Variants in RNF8 observed in about 807,000 individuals in gnomAD.
RNF8 encodes E3 ubiquitin-protein ligase RNF8.
A neutral mutation model predicts 59.3 loss-of-function variants in RNF8; 8 were observed. The ratio of observed to expected loss-of-function variants is 0.13; its 90% CI spans 0.08 to 0.24. The LOEUF (loss-of-function observed/expected upper bound fraction) is 0.24, where lower values mean the gene tolerates loss of function less well. Ranked by LOEUF, RNF8 falls within the 10% of genes least tolerant of loss-of-function variation. The probability of loss-of-function intolerance (pLI) is 1.00; values close to 1 mark genes in which losing one functional copy is unlikely to be tolerated. For missense variants in RNF8, 406 were observed against 572.6 expected (o/e 0.71, Z 2.97); for synonymous variants, 162 against 200.0 (o/e 0.81, Z 1.60).
chr6:37,381,106 T>A, intron 6 of RNF8, 44 bp from the exon 7 acceptor site: 1 of 1,532,568 alleles, frequency 6.5e-7, no homozygotes, highest in East Asian at 2.3e-5. Flanking sequence ...CCTGAGAAAG[T>A]AAGCATGAAA....
Position 37,360,404 on chromosome 6 carries a change from A to G in RNF8, c.112-42A>G, listed in dbSNP as rs757233258. 2.5e-6 allele frequency: 4 copies of G among 1,610,546 alleles called. No individual in the cohort carries two copies. The highest frequency in any genetic ancestry group is 2.2e-5 in the East Asian group (1 of 44,816). ...TTTGTAAAGGACCTCCCTTTTCAGC[A>G]CAATGACTGATGGTATTTCTTGCAT... is the stretch of plus-strand genomic sequence containing the variant. On this transcript the variant is annotated intron_variant, in intron 1 of 7. Transcript: ENST00000373479. This position sits in a 1 kb window ranked among gnomAD's most constrained non-coding sequence, Gnocchi z 4.2.
In RNF8 at chr6:37,392,657, G is replaced by A. The variant is rs947145147; in HGVS notation, c.*1899G>A. On this transcript the variant is annotated 3_prime_UTR_variant, in exon 8 of 8. Transcript: ENST00000373479. Reference sequence around the variant, plus strand: ...ATAGTTTCCTTTCTTTATTACAGCTGCCTGTTTTTTCATTGTGTATTTGCA... The same window carrying A: ...ATAGTTTCCTTTCTTTATTACAGCTACCTGTTTTTTCATTGTGTATTTGCA... 1 of 398,298 alleles carries A rather than the reference G, an allele frequency of 2.5e-6. No homozygotes were observed. The highest frequency in any genetic ancestry group is 1.3e-4 in the South Asian group (1 of 7,860). 24.7% of individuals were successfully genotyped at this position (398,298 alleles called of 1,614,324 possible).
Position 37,360,402 on chromosome 6 carries a change from G to T in RNF8, c.112-44G>T. 6.2e-7 allele frequency: 1 copy of T among 1,610,112 alleles called. No individual in the cohort carries two copies. Among genetic ancestry groups the T allele is most frequent in the Non-Finnish European group, 8.5e-7 (1 of 1,177,582 alleles). On this transcript the variant is annotated intron_variant, in intron 1 of 7. Transcript: ENST00000373479. The surrounding 1 kb of genome is among the most constrained non-coding windows in gnomAD (Gnocchi z 4.2). Reference sequence around the variant, plus strand: ...GATTTGTAAAGGACCTCCCTTTTCAGCACAATGACTGATGGTATTTCTTGC... The same window carrying T: ...GATTTGTAAAGGACCTCCCTTTTCATCACAATGACTGATGGTATTTCTTGC...
intron 7 of RNF8, 59 bp downstream of exon 7, chr6:37,381,413 A>C (rs1770256800): frequency 3.4e-6 from 5 of 1,462,940 alleles, no homozygotes; most frequent in Non-Finnish European, 4.7e-6. Flanking sequence ...TCCAAACTTC[A>C]ACAAATATTT....
chr6:37,354,513 G>C lies in RNF8; in HGVS notation c.111+238G>C, dbSNP rs190407837. On this transcript the variant is annotated intron_variant, in intron 1 of 7. Transcript: ENST00000373479. ...GGTGTTTGGGGGAGAAATAGGGGCC[G>C]AGTGGGAGAAAGGAAGAAAAGAGAG... Among the ~76,000 whole-genome samples the C allele has an allele frequency of 7.3e-4, 111 of 151,978 alleles. 1 individual carries two copies. In the East Asian group the frequency reaches 0.02, roughly 27 times the overall value.
intron 7 of RNF8, among the ~76,000 whole-genome samples, chr6:37,387,345 G>C (rs951208815): frequency 6.6e-6 from 1 of 152,078 alleles, no homozygotes; most frequent in Non-Finnish European, 1.5e-5. Flanking sequence ...TCTCTTACTT[G>C]CTTCCTTTCT....
At chr6:37,357,686 C>T (rs1400068121) in intron 1 of RNF8, among the ~76,000 whole-genome samples, 3 of 152,158 alleles carry the variant, frequency 2.0e-5, no homozygotes, top group African/African-American at 7.2e-5. Context: ...GGAGTGATCA[C>T]CACAACATTT....
intron 6 of RNF8, among the ~76,000 whole-genome samples, chr6:37,377,810 C>A (rs1347742673): frequency 6.6e-6 from 1 of 152,184 alleles, no homozygotes; most frequent in East Asian, 1.9e-4. Context: ...TGGGAATTTA[C>A]GGCCCAAGTT....
rs1280432367 is a variant in RNF8 at position 37,368,587 on chromosome 6, A to G, written c.344A>G (p.Lys115Arg). ...YIQLGVPLEN[K>R]ENAEYEYEVT... Reference sequence around the variant, plus strand: ...CAACTTGGAGTGCCTCTGGAAAATAAGGAGAATGCGGAGTATGAATATGAA... The same window carrying G: ...CAACTTGGAGTGCCTCTGGAAAATAGGGAGAATGCGGAGTATGAATATGAA... The change falls in exon 3 of 8, where the codon AAG becomes AGG. Residue 115 changes from lysine (K) to arginine (R), a missense_variant. By Grantham distance (26) the Lys-to-Arg change is conservative. Coordinates refer to ENST00000373479, the MANE Select transcript of RNF8 (RefSeq NM_003958.4). The G allele has an allele frequency of 1.9e-6, 3 of 1,614,090 alleles. No homozygotes were observed. Among genetic ancestry groups the G allele is most frequent in the Non-Finnish European group, 2.5e-6 (3 of 1,180,046 alleles).
intron 2 of RNF8, chr6:37,361,192 G>A (rs1313262478): frequency 2.2e-6 from 1 of 453,882 alleles, no homozygotes; most frequent in Non-Finnish European, 4.4e-6. Flanking sequence ...TGTGCTGGGT[G>A]TGGTGGCACA....
intron 5 of RNF8, among the ~76,000 whole-genome samples, chr6:37,375,687 T>C (rs1769983886): frequency 6.6e-6 from 1 of 152,226 alleles, no homozygotes; most frequent in African/African-American, 2.4e-5. Context: ...AATTTGACTA[T>C]GGTTAGAAAT....
At chr6:37,389,006 C>T (rs1770623860) in intron 7 of RNF8, among the ~76,000 whole-genome samples, 2 of 151,624 alleles carry the variant, frequency 1.3e-5, no homozygotes, top group South Asian at 4.2e-4. Context: ...GGGTAGATCC[C>T]CCTCATTACA....
chr6:37,386,157 C>G (rs766618005), intron 7 of RNF8, among the ~76,000 whole-genome samples: 5 of 146,926 alleles, frequency 3.4e-5, no homozygotes, highest in Admixed American at 2.0e-4. Context: ...CCCTATCACT[C>G]TTATTGGCAC....
intron 7 of RNF8, among the ~76,000 whole-genome samples, chr6:37,388,890 G>T (rs530472376): frequency 6.7e-6 from 1 of 149,710 alleles, no homozygotes; most frequent in African/African-American, 2.5e-5. Context: ...CTGTGACTGT[G>T]CCACTGTACT....
At chr6:37,384,910 G>A (rs1213067555) in intron 7 of RNF8, among the ~76,000 whole-genome samples, 1 of 152,152 alleles carries the variant, frequency 6.6e-6, no homozygotes, top group Non-Finnish European at 1.5e-5. Flanking sequence ...TGCCTGCCTT[G>A]TATAAGACAG....
intron 4 of RNF8, among the ~76,000 whole-genome samples, chr6:37,373,852 C>A (rs561350124): frequency 1.3e-5 from 2 of 152,218 alleles, no homozygotes; most frequent in East Asian, 1.9e-4. Context: ...TGAATAATAT[C>A]TTTTCAAAAA....
chr6:37,354,576 G>C (rs563168089), intron 1 of RNF8, among the ~76,000 whole-genome samples: 2 of 152,276 alleles, frequency 1.3e-5, no homozygotes, highest in East Asian at 3.9e-4. Flanking sequence ...ACAAGGGTTG[G>C]GGCGAGGACG....
intron 4 of RNF8, among the ~76,000 whole-genome samples, chr6:37,373,126 T>G (rs540430026): frequency 2.0e-5 from 3 of 152,324 alleles, no homozygotes; most frequent in Admixed American, 6.5e-5. Context: ...CTTTTATAAC[T>G]GATTTCCTGT....
chr6:37,357,507 C>G (rs1300523355), intron 1 of RNF8, among the ~76,000 whole-genome samples: 2 of 152,190 alleles, frequency 1.3e-5, no homozygotes, highest in Non-Finnish European at 2.9e-5. Flanking sequence ...GAGATGCTTC[C>G]TCTCTTAGAG....
Sources: allele counts gnomAD v4.1 joint callset (sites outside exome capture counted in the v4.1 genomes callset), GRCh38; gene constraint gnomAD v4.1.1; non-coding constraint Gnocchi (gnomAD v3.1); transcripts MANE v1.5; gene names NCBI Gene and HGNC (gene_info 2026-07-23, HGNC 2026-07-21).